The following PRKCQ variants were observed in gnomAD, a reference collection of about 807,000 sequenced individuals.
The protein encoded by PRKCQ is protein kinase C theta.
A neutral mutation model predicts 91.2 loss-of-function variants in PRKCQ; 41 were observed. The observed-to-expected ratio is 0.45, with a 90% confidence interval of 0.35 to 0.58. PRKCQ has a LOEUF of 0.58. PRKCQ is among the 20% of genes least tolerant of loss of function. The probability of loss-of-function intolerance (pLI) is 0.00; values close to 1 mark genes in which losing one functional copy is unlikely to be tolerated. For synonymous variants in PRKCQ, 307 were observed against 316.9 expected, an observed-to-expected ratio of 0.97 and a Z score of 0.33; for missense variants, 673 against 896.5, an observed-to-expected ratio of 0.75 and a Z score of 3.18.
At chr10:6,549,950 C>G (rs1206392702) in intron 1 of PRKCQ, among the ~76,000 whole-genome samples, 1 of 152,044 alleles carries the variant, frequency 6.6e-6, no homozygotes, top group Non-Finnish European at 1.5e-5. Context: ...CCATCTTAAT[C>G]ATTTTCAATG....
intron 1 of PRKCQ, among the ~76,000 whole-genome samples, chr10:6,569,596 A>G (rs1840960896): frequency 6.6e-6 from 1 of 152,134 alleles, no homozygotes; most frequent in African/African-American, 2.4e-5. Flanking sequence ...TTCCACACCA[A>G]CCCAGAAGAG....
chr10:6,491,778 T>C lies in PRKCQ; in HGVS notation c.695A>G (p.His232Arg). ...CTTGTAATTGTAGACTTTAAATCTGTGTGGCATGTCAATTTTGAATCTCTC... is the reference window on the plus strand; with the variant it reads ...CTTGTAATTGTAGACTTTAAATCTGCGTGGCATGTCAATTTTGAATCTCTC... ...HKERFKIDMPHRFKVYNYKSP... is the reference protein window; with the variant it reads ...HKERFKIDMPRRFKVYNYKSP... The change falls in exon 8 of 18, where the codon CAC becomes CGC. Residue 232 changes from histidine (H) to arginine (R), a missense_variant. Transcript: ENST00000263125. 6.2e-7 allele frequency: 1 copy of C among 1,614,208 alleles called. No homozygotes were observed. The highest frequency in any genetic ancestry group is 8.5e-7 in the Non-Finnish European group (1 of 1,180,038).
the PRKCQ span, among the ~76,000 whole-genome samples, chr10:6,413,588 GCACACA>G: frequency 3.8e-4 from 9 of 23,858 alleles, 3 homozygotes; most frequent in Non-Finnish European, 6.0e-4. Flanking sequence ...TGCCACTTGT[GCACACA>G]CACACACACA....
chr10:6,567,904 T>C (rs954817816), intron 1 of PRKCQ, among the ~76,000 whole-genome samples: 3 of 152,194 alleles, frequency 2.0e-5, no homozygotes, highest in African/African-American at 7.2e-5. Context: ...TTTAGTCTTT[T>C]ACCTTTCTTA....
chr10:6,407,309 G>A, the PRKCQ span, among the ~76,000 whole-genome samples: 1 of 151,684 alleles, frequency 6.6e-6, no homozygotes, highest in Non-Finnish European at 1.5e-5. The surrounding 1 kb of genome is among the most constrained non-coding windows in gnomAD (Gnocchi z 4.0). Context: ...GGCATAAGAG[G>A]CATCTGGAGG....
At chr10:6,489,156 A>G (rs1456796486) in intron 8 of PRKCQ, among the ~76,000 whole-genome samples, 2 of 152,026 alleles carry the variant, frequency 1.3e-5, no homozygotes, top group African/African-American at 2.4e-5. Flanking sequence ...CAAAACTCGC[A>G]TAACTCACAT....
downstream of PRKCQ, among the ~76,000 whole-genome samples, chr10:6,422,686 C>T (rs1833032251): frequency 6.6e-6 from 1 of 152,210 alleles, no homozygotes; most frequent in African/African-American, 2.4e-5. Flanking sequence ...AGAAGGAAAA[C>T]TGAGCTCTCC....
At chr10:6,496,965 A>G in intron 7 of PRKCQ, 70 bp downstream of exon 7, 1 of 1,387,780 alleles carries the variant, frequency 7.2e-7, no homozygotes, top group Non-Finnish European at 1.0e-6. Context: ...ATTCTGAAGA[A>G]TTCGTGGGCT....
chr10:6,456,365 T>G (rs1292774194), intron 15 of PRKCQ, among the ~76,000 whole-genome samples: 1 of 152,116 alleles, frequency 6.6e-6, no homozygotes, highest in Non-Finnish European at 1.5e-5. Flanking sequence ...GGGTGGACGC[T>G]TGCTCCACCT....
At position 6,472,325 on chromosome 10, in the gene PRKCQ, A is replaced by C. The variant is rs114339046; in HGVS notation, c.1353+6667T>G. On this transcript the variant is annotated intron_variant, in intron 12 of 17. Transcript: ENST00000263125. The stretch of plus-strand genomic sequence containing the variant: ...TCCATCTCAGAAAAAAACAAACAAA[A>C]AAAAAGCAGGCATGTAGGAAAGATG... 4.5e-3 allele frequency among the ~76,000 whole-genome samples: 685 copies of C among 152,204 alleles called. 8 individuals carry two copies. The highest frequency in any genetic ancestry group is 0.015 in the African/African-American group (641 of 41,512).
chr10:6,419,257 G>T, the PRKCQ span, among the ~76,000 whole-genome samples: 1 of 151,986 alleles, frequency 6.6e-6, no homozygotes, highest in South Asian at 2.1e-4. Flanking sequence ...GTACATATGT[G>T]TATACGTGTG....
At chr10:6,422,275 C>T (rs947429230), downstream of PRKCQ, among the ~76,000 whole-genome samples, 4 of 152,112 alleles carry the variant, frequency 2.6e-5, no homozygotes, top group Non-Finnish European at 4.4e-5. Flanking sequence ...GAGGCTAGCA[C>T]TATTATTGTC....
rs1448807261 is a variant in PRKCQ at position 6,427,517 on chromosome 10, T to TATC, written c.*687_*689dup. The TATC allele has an allele frequency of 6.6e-6, 1 of 152,372 alleles. No homozygotes were observed. Among genetic ancestry groups the TATC allele is most frequent in the Non-Finnish European group, 1.5e-5 (1 of 68,156 alleles). The allele number at this position is 152,372 out of a possible 1,614,324, so 9.4% of individuals were successfully genotyped here. A position where few individuals can be genotyped will look rare whatever the true frequency, so the allele number is the denominator to read the frequency against. On this transcript the variant is annotated 3_prime_UTR_variant, in exon 18 of 18. Transcript: ENST00000263125. Reference sequence around the variant, plus strand: ...TTTACTGGCAAGGGTGAAATGATACTATCTTTTCTATCTTGACAAGATAAC... The same window carrying TATC: ...TTTACTGGCAAGGGTGAAATGATACTATCATCTTTTCTATCTTGACAAGATAAC...
downstream of PRKCQ, among the ~76,000 whole-genome samples, chr10:6,423,339 CTT>C (rs1833048383): frequency 6.6e-6 from 1 of 152,154 alleles, no homozygotes; most frequent in African/African-American, 2.4e-5. Flanking sequence ...CACTCAGTCT[CTT>C]TGGGTTCCGG....
chr10:6,561,626 G>T (rs1051327772), intron 1 of PRKCQ, among the ~76,000 whole-genome samples: 1 of 152,176 alleles, frequency 6.6e-6, no homozygotes, highest in Non-Finnish European at 1.5e-5. Flanking sequence ...AGATCTCACA[G>T]TATGACAGAA....
At chr10:6,450,614 G>T (rs200049466) in intron 15 of PRKCQ, among the ~76,000 whole-genome samples, 58,333 of 151,736 alleles carry the variant, frequency 0.38, 11,552 homozygotes, top group East Asian at 0.5. Flanking sequence ...CCACCCCAAA[G>T]CAACAGAATA....
At position 6,576,534 on chromosome 10, in the gene PRKCQ, G is replaced by A. The variant is rs761234208; in HGVS notation, c.-10+3677C>T. 3.3e-5 allele frequency among the ~76,000 whole-genome samples: 5 copies of A among 152,154 alleles called. No homozygotes were observed. The highest frequency in any genetic ancestry group is 4.8e-5 in the African/African-American group (2 of 41,428). On this transcript the variant is annotated intron_variant, in intron 1 of 17. Transcript: ENST00000263125. The surrounding 1 kb of genome is among the most constrained non-coding windows in gnomAD (Gnocchi z 4.2). ...CAGGAAGTAGAAGGGTGGCTGCCAG[G>A]GGCTGAGAGGAAAGACGGATGAGGA...
the PRKCQ span, among the ~76,000 whole-genome samples, chr10:6,405,174 G>C: frequency 2.0e-5 from 3 of 152,092 alleles, no homozygotes. Context: ...GTAGAGACAG[G>C]GTTTCACCAT....
At chr10:6,479,481 A>G (rs1004262023) in intron 11 of PRKCQ, among the ~76,000 whole-genome samples, 1 of 152,228 alleles carries the variant, frequency 6.6e-6, no homozygotes, top group Admixed American at 6.5e-5. Context: ...CCAGAGAGAT[A>G]AAGTGCACAG....
Sources: allele counts gnomAD v4.1 joint callset (sites outside exome capture counted in the v4.1 genomes callset), GRCh38; gene constraint gnomAD v4.1.1; non-coding constraint Gnocchi (gnomAD v3.1); transcripts MANE v1.5; gene names NCBI Gene and HGNC (gene_info 2026-07-23, HGNC 2026-07-21).